PGR: variants seen among roughly 807,000 people sequenced by gnomAD.
The protein encoded by PGR is nuclear receptor subfamily 3 group C member 3.
A neutral mutation model predicts 76.1 loss-of-function variants in PGR; 25 were observed. The observed-to-expected ratio is 0.33, with a 90% CI of 0.24 to 0.46. PGR has a LOEUF of 0.46. PGR is among the 20% of genes least tolerant of loss of function. The probability of loss-of-function intolerance (pLI) is 1.00; values close to 1 mark genes in which losing one functional copy is unlikely to be tolerated. For missense variants in PGR, 1,172 were observed against 1,225.3 expected (o/e 0.96, Z 0.65); for synonymous variants, 579 against 535.0 (o/e 1.08, Z -1.14).
chr11:101,091,597 G>T (rs1861675212), intron 3 of PGR, among the ~76,000 whole-genome samples, 163 bp downstream of exon 3: 1 of 152,142 alleles, frequency 6.6e-6, no homozygotes, highest in Non-Finnish European at 1.5e-5. Flanking sequence ...TAATGGAATG[G>T]TATTGGTTGC....
intron 2 of PGR, among the ~76,000 whole-genome samples, chr11:101,123,852 G>A (rs1408414031): frequency 1.3e-5 from 2 of 152,156 alleles, no homozygotes; most frequent in African/African-American, 4.8e-5. Context: ...ATGTGCATAT[G>A]TTACCTCCCT....
At chr11:101,073,096 T>A (rs1318600369) in intron 3 of PGR, among the ~76,000 whole-genome samples, 1 of 152,002 alleles carries the variant, frequency 6.6e-6, no homozygotes, top group East Asian at 1.9e-4. Context: ...TCAGCAAATG[T>A]GAAAGAATGG....
rs1859622231 is a variant in PGR, at chr11:101,039,411, A to G, written c.2647-140T>C. ...GTTTTTTTCTTACCATAGTGAAAAT[A>G]ACTCCCACCATTTTCTAGAATAATA... On this transcript the variant is annotated intron_variant, in intron 7 of 7. Transcript: ENST00000325455. 4.6e-6 allele frequency: 3 copies of G among 658,966 alleles called. No individual in the cohort carries two copies. The African/African-American group carries it at 5.5e-5, about 12-fold the overall frequency. 40.8% of individuals were successfully genotyped at this position (658,966 alleles called of 1,614,324 possible).
intron 2 of PGR, among the ~76,000 whole-genome samples, chr11:101,119,540 G>T (rs751868531): frequency 6.6e-6 from 1 of 152,024 alleles, no homozygotes; most frequent in Non-Finnish European, 1.5e-5. Context: ...AAAGATACCA[G>T]CAAATAGAGC....
chr11:101,055,545 TTGG>T (rs1327762494), intron 4 of PGR, among the ~76,000 whole-genome samples: 1 of 152,038 alleles, frequency 6.6e-6, no homozygotes, highest in Admixed American at 6.6e-5. Flanking sequence ...TATATCTTTC[TTGG>T]TGAACTTTAT....
chr11:101,090,300 C>A (rs1282282659), intron 3 of PGR, among the ~76,000 whole-genome samples: 2 of 152,154 alleles, frequency 1.3e-5, no homozygotes, highest in African/African-American at 4.8e-5. Context: ...ATCCAGAACT[C>A]CGCCATTTTC....
At chr11:101,101,710 A>C (rs1388740888) in intron 2 of PGR, among the ~76,000 whole-genome samples, 2 of 152,252 alleles carry the variant, frequency 1.3e-5, no homozygotes, top group Non-Finnish European at 2.9e-5. Flanking sequence ...TTCTATTAAG[A>C]TAGACATTAA....
intron 3 of PGR, among the ~76,000 whole-genome samples, chr11:101,091,471 C>A (rs977011481): frequency 6.6e-6 from 1 of 152,194 alleles, no homozygotes; most frequent in African/African-American, 2.4e-5. Flanking sequence ...TAGACTCCCA[C>A]ACATGTTACT....
At chr11:101,122,011 C>G (rs961895346) in intron 2 of PGR, among the ~76,000 whole-genome samples, 1 of 151,762 alleles carries the variant, frequency 6.6e-6, no homozygotes, top group Non-Finnish European at 1.5e-5. Context: ...AAAAATTAGC[C>G]AGGCGTGGTG....
intron 6 of PGR, among the ~76,000 whole-genome samples, chr11:101,047,978 T>G (rs1859950132): frequency 6.6e-6 from 1 of 152,182 alleles, no homozygotes; most frequent in Non-Finnish European, 1.5e-5. Flanking sequence ...TTCCCAGCTT[T>G]TCCTGCAGCT....
intron 1 of PGR, among the ~76,000 whole-genome samples, chr11:101,126,733 T>TA (rs1862850220): frequency 6.6e-6 from 1 of 152,174 alleles, no homozygotes; most frequent in Admixed American, 6.5e-5. Context: ...ATTACTTCAG[T>TA]ATGCAAAGTA....
At chr11:101,054,361 T>TG (rs1408626148) in intron 4 of PGR, among the ~76,000 whole-genome samples, 4 of 152,190 alleles carry the variant, frequency 2.6e-5, no homozygotes, top group Non-Finnish European at 5.9e-5. Context: ...AGTTTTATCA[T>TG]TTTTTAATTT....
At chr11:101,061,838 G>C (rs1288591109) in intron 4 of PGR, among the ~76,000 whole-genome samples, 1 of 152,120 alleles carries the variant, frequency 6.6e-6, no homozygotes, top group African/African-American at 2.4e-5. Flanking sequence ...TAAGTAAAGT[G>C]ACTGAAATTC....
At chr11:101,103,965 T>C (rs1237500226) in intron 2 of PGR, among the ~76,000 whole-genome samples, 2 of 152,208 alleles carry the variant, frequency 1.3e-5, no homozygotes, top group Non-Finnish European at 2.9e-5. Flanking sequence ...TCCTCATCTA[T>C]AAAATAACAG....
intron 6 of PGR, among the ~76,000 whole-genome samples, chr11:101,048,168 G>A (rs947866772): frequency 1.3e-5 from 2 of 152,156 alleles, no homozygotes; most frequent in Non-Finnish European, 2.9e-5. Context: ...ACTGGACTGT[G>A]TCAGTGATAA....
chr11:101,113,317 A>C (rs1591426245), intron 2 of PGR, among the ~76,000 whole-genome samples: 1 of 151,322 alleles, frequency 6.6e-6, no homozygotes, highest in Middle Eastern at 3.4e-3. Flanking sequence ...GCTGGAGTGC[A>C]GTGGTGTGAT....
rs1166790700 is a variant in PGR, at chr11:101,037,799, TC to T, written c.*1316del. The T allele has an allele frequency of 1.8e-5, 4 of 225,006 alleles. No individual in the cohort carries two copies. In the Admixed American group the frequency reaches 2.3e-4, roughly 13 times the overall value. 13.9% of individuals were successfully genotyped at this position (225,006 alleles called of 1,614,324 possible). A position where few individuals can be genotyped will look rare whatever the true frequency, so the allele number is the denominator to read the frequency against. ...AAATGTAACCAAAGAATGATCGAAA[TC>T]TACAGTAATACCAAGACAGAGAGAA... On this transcript the variant is annotated 3_prime_UTR_variant, in exon 8 of 8. Transcript: ENST00000325455.
intron 7 of PGR, 88 bp downstream of exon 7, chr11:101,041,857 T>C (rs1469988148): frequency 2.5e-6 from 3 of 1,191,782 alleles, no homozygotes; most frequent in South Asian, 1.3e-5. Flanking sequence ...GAGAAAATCA[T>C]ACAAAGTAAA....
chr11:101,118,212 T>C (rs1862568678), intron 2 of PGR, among the ~76,000 whole-genome samples: 1 of 152,204 alleles, frequency 6.6e-6, no homozygotes, highest in Non-Finnish European at 1.5e-5. Flanking sequence ...ACAAATCTTA[T>C]CTGTAAAATG....
Sources: allele counts gnomAD v4.1 joint callset (sites outside exome capture counted in the v4.1 genomes callset), GRCh38; gene constraint gnomAD v4.1.1; transcripts MANE v1.5; gene names NCBI Gene and HGNC (gene_info 2026-07-23, HGNC 2026-07-21).